FOXN2: variants seen among roughly 807,000 people sequenced by gnomAD.
The protein encoded by FOXN2 is forkhead box N2.
A neutral mutation model predicts 41.2 loss-of-function variants in FOXN2; 19 were observed. The ratio of observed to expected loss-of-function variants is 0.46; its 90% confidence interval spans 0.32 to 0.68. The LOEUF (loss-of-function observed/expected upper bound fraction) is 0.68. FOXN2 is among the 30% of genes least tolerant of loss of function. The pLI is 0.03. For missense variants in FOXN2, 587 were observed against 509.4 expected (o/e 1.15, Z -1.47); for synonymous variants, 195 against 176.8 (o/e 1.10, Z -0.82).
intron 1 of FOXN2, among the ~76,000 whole-genome samples, chr2:48,321,429 G>A (rs1230028324): frequency 6.6e-6 from 1 of 152,064 alleles, no homozygotes; most frequent in Non-Finnish European, 1.5e-5. Context: ...CCAGCTACTC[G>A]GGAGGCTGAG....
At chr2:48,327,615 T>G (rs55970262) in intron 1 of FOXN2, among the ~76,000 whole-genome samples, 3,389 of 152,240 alleles carry the variant, frequency 0.022, 63 homozygotes, top group Middle Eastern at 0.071. Context: ...CCAGCTAATT[T>G]TGTATTTTTA....
chr2:48,335,095 A>G (rs952702518), intron 2 of FOXN2, among the ~76,000 whole-genome samples: 2 of 152,236 alleles, frequency 1.3e-5, no homozygotes, highest in African/African-American at 4.8e-5. Flanking sequence ...TATAATAAAA[A>G]TTACAGGCCA....
At chr2:48,363,920 AT>A (rs2104482863) in intron 5 of FOXN2, among the ~76,000 whole-genome samples, 1 of 152,282 alleles carries the variant, frequency 6.6e-6, no homozygotes, top group South Asian at 2.1e-4. Context: ...GTATGACTGC[AT>A]TTTTATTTAT....
At chr2:48,317,173 AT>A (rs1295714069) in intron 1 of FOXN2, among the ~76,000 whole-genome samples, 1 of 152,004 alleles carries the variant, frequency 6.6e-6, no homozygotes, top group Non-Finnish European at 1.5e-5. Context: ...TGAAAAAAGG[AT>A]TGCTCAACTC....
intron 1 of FOXN2, among the ~76,000 whole-genome samples, chr2:48,315,385 C>T (rs904021320): frequency 3.9e-5 from 6 of 152,276 alleles, no homozygotes; most frequent in African/African-American, 1.4e-4. Flanking sequence ...TTGTGGTGGG[C>T]AGAGGCGGGT....
Position 48,325,354 on chromosome 2 carries a change from A to T in FOXN2, c.-156-3207A>T, listed in dbSNP as rs184035679. Among the ~76,000 whole-genome samples, 505 of 152,324 alleles carry T rather than the reference A, an allele frequency of 3.3e-3. 5 individuals are homozygous for T. Among genetic ancestry groups the T allele is most frequent in the African/African-American group, 0.012 (493 of 41,568 alleles). On this transcript the variant is annotated intron_variant, in intron 1 of 6. Coordinates refer to ENST00000340553, the MANE Select transcript of FOXN2 (RefSeq NM_002158.4). ...GTATTTACAACAATACCTGTTACCA[A>T]TAAGCATTCAATGAGTTTTTTAAAT...
chr2:48,359,199 T>A, intron 4 of FOXN2, 52 bp downstream of exon 4: 1 of 1,282,546 alleles, frequency 7.8e-7, no homozygotes, highest in Non-Finnish European at 1.1e-6. Flanking sequence ...TTTCACTGTG[T>A]GAGATGGAGA....
chr2:48,365,904 T>G (rs1672497343), intron 5 of FOXN2, among the ~76,000 whole-genome samples: 1 of 152,248 alleles, frequency 6.6e-6, no homozygotes, highest in Admixed American at 6.5e-5. Flanking sequence ...AAATTTTCTC[T>G]TGCCTCTTTA....
At chr2:48,351,199 C>A (rs560578092) in intron 3 of FOXN2, among the ~76,000 whole-genome samples, 1 of 152,120 alleles carries the variant, frequency 6.6e-6, no homozygotes, top group South Asian at 2.1e-4. Flanking sequence ...TGGGCTCAAG[C>A]GATCCACCTG....
chr2:48,364,463 C>G (rs1672396361), intron 5 of FOXN2, among the ~76,000 whole-genome samples: 1 of 152,112 alleles, frequency 6.6e-6, no homozygotes, highest in African/African-American at 2.4e-5. Context: ...GATACACTTG[C>G]ATGCGTGTAT....
rs1468487737 is a variant in FOXN2 at position 48,328,573 on chromosome 2, A to C, written c.-144A>C. On this transcript the variant is annotated 5_prime_UTR_variant, in exon 2 of 7. An upstream start codon of the reference 5' UTR is lost. Coordinates refer to ENST00000340553, the MANE Select transcript of FOXN2 (RefSeq NM_002158.4). ...TTCTGATGTGCAGTTGGTTGAAGCC[A>C]TGGATAACAGAACCCACAGATGCAG... 1 of 152,162 alleles carries C rather than the reference A, an allele frequency of 6.6e-6. No individual in the cohort carries two copies. The highest frequency in any genetic ancestry group is 1.5e-5 in the Non-Finnish European group (1 of 68,016). The allele number at this position is 152,162 out of a possible 1,614,324, so 9.4% of individuals were successfully genotyped here.
At chr2:48,353,574 G>A (rs1171213514) in intron 3 of FOXN2, among the ~76,000 whole-genome samples, 1 of 148,010 alleles carries the variant, frequency 6.8e-6, no homozygotes, top group African/African-American at 2.6e-5. Context: ...GTGTGTGTGT[G>A]TGTGTGTGTG....
chr2:48,323,753 G>C (rs1669490215), intron 1 of FOXN2, among the ~76,000 whole-genome samples: 1 of 151,776 alleles, frequency 6.6e-6, no homozygotes, highest in African/African-American at 2.4e-5. Flanking sequence ...GTCTGTTTTT[G>C]GTTTTGTTGC....
intron 3 of FOXN2, among the ~76,000 whole-genome samples, chr2:48,352,163 G>T (rs1385712417): frequency 6.6e-6 from 1 of 152,110 alleles, no homozygotes; most frequent in East Asian, 1.9e-4. Context: ...GAATGATAGG[G>T]CAATATATTA....
chr2:48,367,597 C>T (rs1188888047), intron 5 of FOXN2, among the ~76,000 whole-genome samples: 4 of 152,160 alleles, frequency 2.6e-5, no homozygotes, highest in South Asian at 2.1e-4. Flanking sequence ...TTGATAGAGA[C>T]AATAAATCCT....
chr2:48,369,700 A>G (rs779697967), intron 5 of FOXN2, among the ~76,000 whole-genome samples: 13 of 151,808 alleles, frequency 8.6e-5, no homozygotes, highest in Non-Finnish European at 1.3e-4. Flanking sequence ...AATTAGAAAC[A>G]AGGTAGATCC....
chr2:48,368,508 A>G (rs1672675896), intron 5 of FOXN2, among the ~76,000 whole-genome samples: 1 of 152,110 alleles, frequency 6.6e-6, no homozygotes, highest in Non-Finnish European at 1.5e-5. Context: ...CTAGGGCAAC[A>G]TGGTGAAACC....
At chr2:48,347,661 C>T (rs914634056) in intron 3 of FOXN2, among the ~76,000 whole-genome samples, 4 of 151,994 alleles carry the variant, frequency 2.6e-5, no homozygotes. Context: ...CATTGGTCCA[C>T]CTTCAAATAA....
chr2:48,325,304 G>A (rs1304337155), intron 1 of FOXN2, among the ~76,000 whole-genome samples: 1 of 152,132 alleles, frequency 6.6e-6, no homozygotes, highest in African/African-American at 2.4e-5. Flanking sequence ...TTATGAATAA[G>A]ATTAAAAGAG....
Sources: allele counts gnomAD v4.1 joint callset (sites outside exome capture counted in the v4.1 genomes callset), GRCh38; gene constraint gnomAD v4.1.1; transcripts MANE v1.5; gene names NCBI Gene and HGNC (gene_info 2026-07-23, HGNC 2026-07-21).